Variants in PHEX observed in about 807,000 individuals in gnomAD.
The protein encoded by PHEX is phosphate-regulating neutral endopeptidase PHEX.
Under a neutral mutation model 68.0 loss-of-function variants are expected in PHEX, and 16 were observed. That is an observed-to-expected ratio of 0.24 (90% CI 0.16 to 0.36). The LOEUF is 0.36. PHEX is among the 10% of genes least tolerant of loss of function. The probability of loss-of-function intolerance (pLI) is 1.00; values close to 1 mark genes in which losing one functional copy is unlikely to be tolerated. For synonymous variants in PHEX, 208 were observed against 205.1 expected, an observed-to-expected ratio of 1.01 and a Z score of -0.12; for missense variants, 480 against 575.5, an observed-to-expected ratio of 0.83 and a Z score of 1.70.
chrX:22,178,390 A>T lies in PHEX; in HGVS notation c.1586+14A>T, dbSNP rs771287470. The T allele has an allele frequency of 1.0e-6, 1 of 982,681 alleles. No individual in the cohort carries two copies. The highest frequency in any genetic ancestry group is 1.4e-6 in the Non-Finnish European group (1 of 693,479). The allele number at this position is 982,681 out of a possible 1,213,427, so 81.0% of individuals were successfully genotyped here. A position where few individuals can be genotyped will look rare whatever the true frequency, so the allele number is the denominator to read the frequency against. ...TCCAAAAACAGAGTGAGTATTAAAC[A>T]AAAAAAGTTAAATAGATAAATACAT... On this transcript the variant is annotated intron_variant, in intron 14 of 21. Transcript: ENST00000379374.
chrX:22,200,078 A>G (rs976646362), intron 15 of PHEX, among the ~76,000 whole-genome samples: 3 of 112,125 alleles, frequency 2.7e-5, no homozygotes, highest in Non-Finnish European at 5.6e-5. Context: ...TATGCCAACC[A>G]TTATGCCAGG....
rs45541842 is a variant in PHEX, at chrX:22,099,364, T to C, written c.1079+213T>C. ...TGATAACAAATGTTTTTGCCCTTTATTTCTGGTCTTTCTCCATGCTGTTCT... is the reference window on the plus strand; with the variant it reads ...TGATAACAAATGTTTTTGCCCTTTACTTCTGGTCTTTCTCCATGCTGTTCT... On this transcript the variant is annotated intron_variant, in intron 9 of 21. Coordinates refer to ENST00000379374, the MANE Select transcript of PHEX (RefSeq NM_000444.6). 0.062 allele frequency: 26,178 copies of C among 422,001 alleles called. 1,271 individuals are homozygous for C. The highest frequency in any genetic ancestry group is 0.26 in the African/African-American group (10,316 of 40,170). 34.8% of individuals were successfully genotyped at this position (422,001 alleles called of 1,213,427 possible). A position where few individuals can be genotyped will look rare whatever the true frequency, so the allele number is the denominator to read the frequency against.
chrX:22,184,817 A>G (rs1183199164), intron 14 of PHEX, among the ~76,000 whole-genome samples: 1 of 112,333 alleles, frequency 8.9e-6, no homozygotes, highest in African/African-American at 3.2e-5. Flanking sequence ...AAAAATATGT[A>G]AAAATGCATT....
At chrX:22,136,208 T>A (rs1198230517) in intron 12 of PHEX, among the ~76,000 whole-genome samples, 2 of 111,396 alleles carry the variant, frequency 1.8e-5, no homozygotes, top group Non-Finnish European at 3.8e-5. Context: ...CCTTTTTCTC[T>A]GCTGTCCTCG....
At chrX:22,161,411 G>A (rs1426039646) in intron 12 of PHEX, among the ~76,000 whole-genome samples, 1 of 112,470 alleles carries the variant, frequency 8.9e-6, no homozygotes, top group East Asian at 2.8e-4. Context: ...GGATGACACC[G>A]TGAGACTGTC....
intron 20 of PHEX, among the ~76,000 whole-genome samples, chrX:22,241,431 C>T (rs1160418994): frequency 9.0e-6 from 1 of 111,344 alleles, no homozygotes; most frequent in Non-Finnish European, 1.9e-5. Context: ...AAGATCAGAG[C>T]AGAACGGAAG....
At position 22,221,628 on chromosome X, in the gene PHEX, A is replaced by G. The variant is rs1935269490; in HGVS notation, c.1784A>G (p.Lys595Arg). 1.7e-6 allele frequency: 2 copies of G among 1,202,567 alleles called. No homozygotes were observed. Among genetic ancestry groups the G allele is most frequent in the African/African-American group, 3.5e-5 (2 of 57,123 alleles). ...GFDNNGRKYDKNGNLDPWWST... is the reference protein window; with the variant it reads ...GFDNNGRKYDRNGNLDPWWST... ...CTTTTGCTAGGTAGAAAATATGATA[A>G]AAATGGAAACCTGGATCCTTGGTGG... The change falls in exon 18 of 22, where the codon AAA becomes AGA. Residue 595 changes from lysine (K) to arginine (R), a missense_variant. Coordinates refer to ENST00000379374, the MANE Select transcript of PHEX (RefSeq NM_000444.6).
At chrX:22,127,369 T>A (rs1191274647) in intron 11 of PHEX, among the ~76,000 whole-genome samples, 1 of 111,443 alleles carries the variant, frequency 9.0e-6, no homozygotes, top group Non-Finnish European at 1.9e-5. Context: ...ATTAATGTTA[T>A]ATGCTGCCTG....
intron 19 of PHEX, 138 bp downstream of exon 19, chrX:22,226,646 T>A: frequency 1.8e-6 from 1 of 561,249 alleles, no homozygotes; most frequent in Non-Finnish European, 3.2e-6. Flanking sequence ...AATAGAAGTG[T>A]GTCTCCCCAT....
intron 12 of PHEX, among the ~76,000 whole-genome samples, chrX:22,144,819 C>A (rs1478590821): frequency 9.1e-6 from 1 of 109,752 alleles, no homozygotes; most frequent in African/African-American, 3.3e-5. Flanking sequence ...ATAGGTACAT[C>A]TTTTAAAGCT....
At chrX:22,148,207 C>T (rs945333283) in intron 12 of PHEX, among the ~76,000 whole-genome samples, 4 of 111,153 alleles carry the variant, frequency 3.6e-5, no homozygotes, top group African/African-American at 1.3e-4. Flanking sequence ...GTGGCTTCTT[C>T]ACACATGTGT....
At chrX:22,181,487 G>T (rs1282894389) in intron 14 of PHEX, among the ~76,000 whole-genome samples, 1 of 111,883 alleles carries the variant, frequency 8.9e-6, no homozygotes, top group East Asian at 2.8e-4. Flanking sequence ...CTATAGCTCT[G>T]TAGTATAATT....
intron 20 of PHEX, among the ~76,000 whole-genome samples, chrX:22,241,963 A>C (rs745396738): frequency 8.9e-6 from 1 of 111,926 alleles, no homozygotes; most frequent in East Asian, 2.8e-4. Flanking sequence ...AACCTGGCAG[A>C]GACACAACAA....
intron 12 of PHEX, among the ~76,000 whole-genome samples, chrX:22,167,939 T>C (rs780625492): frequency 2.4e-4 from 27 of 112,123 alleles, no homozygotes; most frequent in African/African-American, 8.7e-4. Flanking sequence ...TCTCCTGGAA[T>C]GTTCTTCTAG....
intron 16 of PHEX, among the ~76,000 whole-genome samples, chrX:22,215,412 T>C (rs1242121845): frequency 9.0e-6 from 1 of 110,679 alleles, no homozygotes; most frequent in Non-Finnish European, 1.9e-5. Flanking sequence ...ATCAAGGGAG[T>C]GGGTATCCTT....
intron 2 of PHEX, among the ~76,000 whole-genome samples, chrX:22,044,881 A>G (rs1190317957): frequency 9.1e-6 from 1 of 110,222 alleles, no homozygotes; most frequent in Non-Finnish European, 1.9e-5. Flanking sequence ...TATTTTTTTA[A>G]GAGACGGGGT....
At chrX:22,145,089 T>C (rs1932630467) in intron 12 of PHEX, among the ~76,000 whole-genome samples, 1 of 112,238 alleles carries the variant, frequency 8.9e-6, no homozygotes, top group Admixed American at 9.5e-5. Context: ...ATCAAGAGGC[T>C]CACAATGCCA....
At chrX:22,118,126 A>G (rs1395083805) in intron 11 of PHEX, among the ~76,000 whole-genome samples, 1 of 110,837 alleles carries the variant, frequency 9.0e-6, no homozygotes, top group African/African-American at 3.3e-5. Flanking sequence ...GTATGTCTCA[A>G]ATTTACATGT....
intron 12 of PHEX, among the ~76,000 whole-genome samples, chrX:22,138,200 G>A (rs979186964): frequency 8.9e-6 from 1 of 112,872 alleles, no homozygotes. Context: ...GCCCCTGGGG[G>A]TATACGCTTT....
Sources: gnomAD v4.1 joint callset for allele counts (sites outside exome capture counted in the v4.1 genomes callset) on GRCh38, gnomAD v4.1.1 for gene constraint, MANE v1.5 for transcripts, NCBI Gene and HGNC (gene_info 2026-07-23, HGNC 2026-07-21) for gene names.